Variants in NCALD observed in about 807,000 individuals in gnomAD.
NCALD encodes the protein neurocalcin-delta.
Under a neutral mutation model 18.6 loss-of-function variants are expected in NCALD, and 10 were observed. That is an observed-to-expected ratio of 0.54 (90% confidence interval 0.33 to 0.91). The LOEUF is 0.91. NCALD is among the 40% of genes least tolerant of loss of function. The pLI is 0.03. For synonymous variants in NCALD, 88 were observed against 87.4 expected (o/e 1.01, Z -0.04); for missense variants, 184 against 247.6 (o/e 0.74, Z 1.72).
chr8:101,719,288 G>A lies in NCALD; in HGVS notation c.342C>T (p.Gly114=), dbSNP rs1233316888. 1.9e-6 allele frequency: 3 copies of A among 1,614,018 alleles called. No homozygotes were observed. The highest frequency in any genetic ancestry group is 1.1e-5 in the South Asian group (1 of 91,052). The change falls in exon 2 of 4, where the codon GGC becomes GGT. Residue 114 remains glycine, a synonymous_variant. Coordinates refer to ENST00000220931, the MANE Select transcript of NCALD (RefSeq NM_032041.3). ...CTAGCATCTCTGCCTTGCTGATATA[G>A]CCATTTCCGTCCAGGTCGTACATGC... ...AFSMYDLDGN[G]YISKAEMLEI...
chr8:102,093,937 T>G (rs1295292540), intron 1 of NCALD, among the ~76,000 whole-genome samples: 3 of 152,062 alleles, frequency 2.0e-5, no homozygotes, highest in Non-Finnish European at 2.9e-5. Context: ...ATAAGATAGA[T>G]GAGCCCAGAG....
chr8:101,734,094 G>A (rs1426930720), intron 1 of NCALD, among the ~76,000 whole-genome samples: 1 of 152,160 alleles, frequency 6.6e-6, no homozygotes, highest in Non-Finnish European at 1.5e-5. Flanking sequence ...TGTTAGCAGT[G>A]CCCCAGGAGC....
chr8:102,058,597 G>T (rs764188940), intron 1 of NCALD, among the ~76,000 whole-genome samples: 1 of 152,184 alleles, frequency 6.6e-6, no homozygotes, highest in East Asian at 1.9e-4. Flanking sequence ...CCATTTCTCA[G>T]CTGTACTCTC....
intron 1 of NCALD, among the ~76,000 whole-genome samples, chr8:102,077,974 C>A (rs1018402749): frequency 6.6e-6 from 1 of 152,184 alleles, no homozygotes; most frequent in Admixed American, 6.5e-5. Context: ...CTCTCCCCTG[C>A]TCCAGATTCA....
At position 102,106,626 on chromosome 8, in the gene NCALD, A is replaced by G. The variant is rs180900292; in HGVS notation, c.-210+17611T>C. ...CCTTCAGGGCTGGTTAATTTCATATACAAGGGCTGACATGACAGCCTCTAA... is the reference window on the plus strand; with the variant it reads ...CCTTCAGGGCTGGTTAATTTCATATGCAAGGGCTGACATGACAGCCTCTAA... On this transcript the variant is annotated intron_variant, in intron 1 of 6. Coordinates refer to the NCALD transcript ENST00000311028. Among the ~76,000 whole-genome samples the G allele has an allele frequency of 2.0e-4, 30 of 152,136 alleles. No individual in the cohort carries two copies. The East Asian group carries it at 5.0e-3, about 25-fold the overall frequency.
intron 1 of NCALD, among the ~76,000 whole-genome samples, chr8:101,754,823 G>A (rs1018361592): frequency 7.2e-5 from 11 of 151,924 alleles, no homozygotes; most frequent in South Asian, 4.2e-4. Flanking sequence ...AGATACACTC[G>A]GCACAGGGCC....
At chr8:101,805,408 C>G (rs967584725) in intron 4 of NCALD, among the ~76,000 whole-genome samples, 5 of 152,142 alleles carry the variant, frequency 3.3e-5, no homozygotes, top group African/African-American at 1.2e-4. Context: ...TTGGAGACTC[C>G]CTTGTTCTAT....
chr8:102,042,864 A>G (rs1287544534), intron 1 of NCALD, among the ~76,000 whole-genome samples: 1 of 151,930 alleles, frequency 6.6e-6, no homozygotes, highest in Admixed American at 6.5e-5. Context: ...TCCAGAAGGA[A>G]AAATGTTACA....
intron 4 of NCALD, among the ~76,000 whole-genome samples, chr8:101,884,163 T>C (rs529515661): frequency 1.3e-5 from 2 of 152,304 alleles, no homozygotes; most frequent in Admixed American, 6.5e-5. Flanking sequence ...GCCTTTCTTC[T>C]GCCCATCTCC....
chr8:102,063,765 C>T (rs1254386146), intron 1 of NCALD, among the ~76,000 whole-genome samples: 2 of 152,160 alleles, frequency 1.3e-5, no homozygotes, highest in African/African-American at 2.4e-5. Flanking sequence ...TTTCTGCCTT[C>T]CCAGCATTCA....
intron 4 of NCALD, among the ~76,000 whole-genome samples, chr8:101,867,066 A>G (rs1815800541): frequency 1.3e-5 from 2 of 152,082 alleles, no homozygotes; most frequent in African/African-American, 4.8e-5. Flanking sequence ...CCGTTCCTCA[A>G]GCACACCAGG....
At chr8:101,724,158 C>T (rs1297849373) in intron 1 of NCALD, among the ~76,000 whole-genome samples, 4 of 152,154 alleles carry the variant, frequency 2.6e-5, no homozygotes, top group Non-Finnish European at 5.9e-5. Context: ...CTTGAATGAC[C>T]ATAAAGTGGA....
chr8:101,779,592 G>A (rs190585624), intron 1 of NCALD, among the ~76,000 whole-genome samples: 1 of 152,182 alleles, frequency 6.6e-6, no homozygotes, highest in African/African-American at 2.4e-5. Context: ...GGTCAAAGGG[G>A]AAGGTCACTA....
At chr8:101,964,766 A>T (rs1043764363) in intron 2 of NCALD, among the ~76,000 whole-genome samples, 1 of 152,234 alleles carries the variant, frequency 6.6e-6, no homozygotes, top group Non-Finnish European at 1.5e-5. Context: ...ACAGTCAAGG[A>T]TTCGCCTAAT....
At chr8:101,889,949 T>G (rs546863207) in intron 3 of NCALD, among the ~76,000 whole-genome samples, 2 of 152,366 alleles carry the variant, frequency 1.3e-5, no homozygotes, top group South Asian at 2.1e-4. Flanking sequence ...CCTTCTGATC[T>G]TTAAATGGGA....
intron 4 of NCALD, among the ~76,000 whole-genome samples, chr8:101,855,328 A>T (rs571319817): frequency 5.5e-4 from 84 of 152,302 alleles, no homozygotes; most frequent in African/African-American, 1.8e-3. Flanking sequence ...CCAGAGCACT[A>T]GATTGCTCAT....
intron 4 of NCALD, among the ~76,000 whole-genome samples, chr8:101,830,006 T>C (rs1032632047): frequency 1.1e-4 from 16 of 142,156 alleles, no homozygotes; most frequent in Non-Finnish European, 1.5e-4. Flanking sequence ...CTAACAAGTC[T>C]CAAAAGAAGC....
upstream of NCALD, among the ~76,000 whole-genome samples, chr8:101,793,009 T>C (rs965246494): frequency 6.6e-6 from 1 of 152,200 alleles, no homozygotes; most frequent in Admixed American, 6.5e-5. Flanking sequence ...CTAAGTATAC[T>C]TTATACTGCC....
intron 2 of NCALD, among the ~76,000 whole-genome samples, chr8:101,923,088 T>G (rs1301029715): frequency 6.6e-6 from 1 of 152,118 alleles, no homozygotes; most frequent in Admixed American, 6.6e-5. Flanking sequence ...AAAGAGGGCT[T>G]CACATAGCAT....
Sources: allele counts gnomAD v4.1 joint callset (sites outside exome capture counted in the v4.1 genomes callset), GRCh38; gene constraint gnomAD v4.1.1; transcripts MANE v1.5; gene names NCBI Gene and HGNC (gene_info 2026-07-23, HGNC 2026-07-21).